Variants in ARHGAP18 observed in about 807,000 individuals in gnomAD.
The protein encoded by ARHGAP18 is rho GTPase-activating protein 18.
ARHGAP18 carries 67 observed loss-of-function variants against 86.2 expected under a neutral mutation model. That is an observed-to-expected ratio of 0.78 (90% CI 0.64 to 0.95). The LOEUF (loss-of-function observed/expected upper bound fraction) is 0.95, where lower values mean the gene tolerates loss of function less well. ARHGAP18 is among the 40% of genes least tolerant of loss of function. The pLI is 0.00. For missense variants in ARHGAP18, 691 were observed against 780.4 expected (o/e 0.89, Z 1.37); for synonymous variants, 283 against 280.4 (o/e 1.01, Z -0.09).
At chr6:129,697,752 C>A (rs1452851174) in intron 1 of ARHGAP18, among the ~76,000 whole-genome samples, 2 of 152,046 alleles carry the variant, frequency 1.3e-5, no homozygotes, top group African/African-American at 4.8e-5. Flanking sequence ...TAAAATACAT[C>A]CCCATTTTCA....
At chr6:129,621,843 G>A (rs1039165933) in intron 5 of ARHGAP18, among the ~76,000 whole-genome samples, 5 of 152,042 alleles carry the variant, frequency 3.3e-5, no homozygotes, top group East Asian at 1.9e-4. Context: ...CATCTTCTAG[G>A]TGGGGAAACT....
rs375107476 is a variant in ARHGAP18 at position 129,638,597 on chromosome 6, C to A, written c.349G>T (p.Ala117Ser). 6.2e-7 allele frequency: 1 copy of A among 1,614,006 alleles called. No individual in the cohort carries two copies. The highest frequency in any genetic ancestry group is 1.7e-5 in the Admixed American group (1 of 59,984). ...GELEEEWLKEAGLSNLFGESA... is the reference protein window; with the variant it reads ...GELEEEWLKESGLSNLFGESA... ...TCTCCGAAGAGATTGGATAAACCGG[C>A]CTCTTTAAGCCACTCTTCTTCCAAT... Residue 117 changes from alanine to serine, a missense_variant, in exon 3 of 15, where the codon GCC becomes TCC. By Grantham distance (99) the Ala-to-Ser change is moderately conservative (BLOSUM62 1). Coordinates refer to ENST00000368149, the MANE Select transcript of ARHGAP18 (RefSeq NM_033515.3).
intron 1 of ARHGAP18, among the ~76,000 whole-genome samples, chr6:129,669,979 G>C (rs919693099): frequency 6.6e-6 from 1 of 152,000 alleles, no homozygotes; most frequent in Non-Finnish European, 1.5e-5. Context: ...CCATAATTTT[G>C]GCACACTATA....
chr6:129,709,896 C>T (rs772457792), intron 1 of ARHGAP18, 128 bp downstream of exon 1: 5 of 702,272 alleles, frequency 7.1e-6, no homozygotes, highest in Non-Finnish European at 1.2e-5. Context: ...AACGTTGCTA[C>T]TGCTGCTGCA....
intron 1 of ARHGAP18, among the ~76,000 whole-genome samples, chr6:129,684,651 CT>C (rs1774395829): frequency 6.6e-6 from 1 of 152,146 alleles, no homozygotes. Flanking sequence ...ACAGAGGGTC[CT>C]CCAAAACAGC....
intron 1 of ARHGAP18, among the ~76,000 whole-genome samples, chr6:129,682,385 C>T (rs983026785): frequency 6.6e-6 from 1 of 152,202 alleles, no homozygotes; most frequent in African/African-American, 2.4e-5. Flanking sequence ...CTGAGGCTAG[C>T]TTCCCTCTCT....
intron 1 of ARHGAP18, among the ~76,000 whole-genome samples, chr6:129,701,434 C>T (rs1313442501): frequency 1.3e-5 from 2 of 152,158 alleles, no homozygotes; most frequent in Non-Finnish European, 2.9e-5. Flanking sequence ...GTACTATGGC[C>T]TGTTCAAAAA....
intron 1 of ARHGAP18, among the ~76,000 whole-genome samples, chr6:129,704,932 G>C (rs1300527005): frequency 6.6e-6 from 1 of 152,030 alleles, no homozygotes; most frequent in Non-Finnish European, 1.5e-5. Context: ...AGTCATGCAG[G>C]GCTCTTTGCT....
intron 5 of ARHGAP18, among the ~76,000 whole-genome samples, chr6:129,625,974 A>G (rs1789454964): frequency 8.8e-6 from 1 of 113,186 alleles, no homozygotes; most frequent in Non-Finnish European, 1.7e-5. Context: ...TATATATTAT[A>G]TATATTTATA....
rs998946589 is a variant in ARHGAP18 at position 129,576,662 on chromosome 6, A to C, written c.*1851T>G. The C allele has an allele frequency of 1.3e-5, 2 of 152,190 alleles. No homozygotes were observed. Among genetic ancestry groups the C allele is most frequent in the Non-Finnish European group, 2.9e-5 (2 of 68,028 alleles). The allele number at this position is 152,190 out of a possible 1,614,324, so 9.4% of individuals were successfully genotyped here. On this transcript the variant is annotated 3_prime_UTR_variant, in exon 15 of 15. Coordinates refer to ENST00000368149, the MANE Select transcript of ARHGAP18 (RefSeq NM_033515.3). ...GACCCTCCTTTTCAGGTAGGTAGCA[A>C]ACGTTGCGAAATTTAGTTGGCATAT...
intron 12 of ARHGAP18, among the ~76,000 whole-genome samples, chr6:129,590,668 C>T (rs1025565861): frequency 6.6e-6 from 1 of 152,186 alleles, no homozygotes; most frequent in East Asian, 1.9e-4. Context: ...ACTCATTTCA[C>T]AAAGAGCTGG....
At position 129,625,488 on chromosome 6, in the gene ARHGAP18, T is replaced by A. The variant is rs796252698; in HGVS notation, c.786+3865A>T. ...ATAATATATATTTTATATTATATAT[T>A]ATATATAATATATATTTTATATATC... On this transcript the variant is annotated intron_variant, in intron 5 of 14. Coordinates refer to ENST00000368149, the MANE Select transcript of ARHGAP18 (RefSeq NM_033515.3). 2.7e-3 allele frequency among the ~76,000 whole-genome samples: 125 copies of A among 46,372 alleles called. 8 individuals carry two copies. The highest frequency in any genetic ancestry group is 9.0e-3 in the African/African-American group (121 of 13,378). The allele number at this position is 46,372 out of a possible 152,430, so 30.4% of individuals were successfully genotyped here.
chr6:129,618,621 C>T (rs565404032), intron 6 of ARHGAP18, 66 bp downstream of exon 6: 22 of 1,459,574 alleles, frequency 1.5e-5, no homozygotes, highest in Middle Eastern at 1.9e-4. Context: ...AGAAATACTG[C>T]AAAAAAGCCA....
At chr6:129,651,684 T>C (rs947382767) in intron 1 of ARHGAP18, among the ~76,000 whole-genome samples, 6 of 152,132 alleles carry the variant, frequency 3.9e-5, no homozygotes, top group Admixed American at 3.9e-4. Context: ...TGGTTCACCA[T>C]TCCTTCTTCA....
chr6:129,707,650 G>GTTTTTTT (rs57719259), intron 1 of ARHGAP18, among the ~76,000 whole-genome samples: 15 of 107,716 alleles, frequency 1.4e-4, no homozygotes, highest in Non-Finnish European at 1.7e-4. Flanking sequence ...GTGGTTTCTT[G>GTTTTTTT]TTTTTTTTTT....
chr6:129,600,684 A>G lies in ARHGAP18; in HGVS notation c.1530T>C (p.Asn510=). ...GGTACTTAATCAATAAGTGCATGGT[A>G]TTTGCTGTCCCAGCTGCCATTACAA... ...REFVMAAGTA[N]TMHLLIKYQK... is the part of the protein sequence containing the mutation. The change falls in exon 11 of 15, where the codon AAT becomes AAC. Residue 510 remains asparagine (N), a synonymous_variant. Transcript: ENST00000368149. The G allele has an allele frequency of 6.2e-7, 1 of 1,613,680 alleles. No individual in the cohort carries two copies. The highest frequency in any genetic ancestry group is 8.5e-7 in the Non-Finnish European group (1 of 1,179,782).
chr6:129,704,822 T>A (rs145469359), intron 1 of ARHGAP18, among the ~76,000 whole-genome samples: 255 of 152,286 alleles, frequency 1.7e-3, no homozygotes, highest in East Asian at 3.7e-3. Flanking sequence ...TGGCTTCCCA[T>A]CTTACTTTCA....
intron 5 of ARHGAP18, among the ~76,000 whole-genome samples, chr6:129,625,118 GAT>G (rs1491536605): frequency 2.3e-4 from 5 of 21,778 alleles, no homozygotes; most frequent in African/African-American, 9.5e-4. Context: ...ATATTATATA[GAT>G]ATATATTATA....
chr6:129,703,055 G>A (rs1023480), intron 1 of ARHGAP18, among the ~76,000 whole-genome samples: 68,450 of 151,944 alleles, frequency 0.45, 17,199 homozygotes, highest in Non-Finnish European at 0.58. Context: ...CAGCCACAGG[G>A]CATGGACCTC....
Sources: allele counts gnomAD v4.1 joint callset (sites outside exome capture counted in the v4.1 genomes callset), GRCh38; gene constraint gnomAD v4.1.1; transcripts MANE v1.5; gene names NCBI Gene and HGNC (gene_info 2026-07-23, HGNC 2026-07-21).